ACVR1C: variants seen among roughly 807,000 people sequenced by gnomAD.
ACVR1C encodes the protein activin A receptor type 1C, also known as activin receptor type-1C.
Under a neutral mutation model 57.9 loss-of-function variants are expected in ACVR1C, and 23 were observed. The ratio of observed to expected loss-of-function variants is 0.40; its 90% CI spans 0.29 to 0.56. The LOEUF (loss-of-function observed/expected upper bound fraction) is 0.56. Among genes scored for constraint, ACVR1C ranks in the 20% least tolerant of loss-of-function variants. The pLI is 0.50. For missense variants in ACVR1C, 480 were observed against 607.9 expected, an observed-to-expected ratio of 0.79 and a Z score of 2.21; for synonymous variants, 214 against 215.3, an observed-to-expected ratio of 0.99 and a Z score of 0.05.
At chr2:157,597,631 C>G (rs1174202103) in intron 1 of ACVR1C, 2 of 943,444 alleles carry the variant, frequency 2.1e-6, no homozygotes, top group African/African-American at 3.6e-5. Flanking sequence ...AAGCAGGAGG[C>G]AGGCTATTTT....
At chr2:157,559,147 C>T (rs1351080315) in intron 2 of ACVR1C, among the ~76,000 whole-genome samples, 1 of 152,116 alleles carries the variant, frequency 6.6e-6, no homozygotes, top group East Asian at 1.9e-4. Context: ...AGGTCAGCAA[C>T]CCTAAAAATA....
In ACVR1C at chr2:157,576,446, C is replaced by G. The variant is rs546879085; in HGVS notation, c.304+10741G>C. ...GTCTCAATCTCTTGACCTTGGATTC[C>G]GCCTGCCTCAGCCTCCCAAAGTGCT... On this transcript the variant is annotated intron_variant, in intron 2 of 8. Coordinates refer to ENST00000243349, the MANE Select transcript of ACVR1C (RefSeq NM_145259.3). 2.6e-5 allele frequency among the ~76,000 whole-genome samples: 4 copies of G among 151,994 alleles called. No individual in the cohort carries two copies. In the East Asian group the frequency reaches 5.8e-4, roughly 22 times the overall value.
chr2:157,539,421 T>A (rs1319751156), intron 7 of ACVR1C, among the ~76,000 whole-genome samples: 1 of 152,182 alleles, frequency 6.6e-6, no homozygotes, highest in African/African-American at 2.4e-5. Context: ...AAAATCTTTT[T>A]AATTAACTGC....
At chr2:157,554,073 C>T (rs552798351) in intron 3 of ACVR1C, among the ~76,000 whole-genome samples, 39 of 150,460 alleles carry the variant, frequency 2.6e-4, no homozygotes, top group Non-Finnish European at 4.7e-4. Flanking sequence ...ATTCTAGCTA[C>T]TTAGGAGGCT....
chr2:157,612,140 T>C (rs1682549069), intron 1 of ACVR1C, among the ~76,000 whole-genome samples: 1 of 152,160 alleles, frequency 6.6e-6, no homozygotes. Context: ...GTGGGCAAAG[T>C]TGGTGACCAC....
intron 1 of ACVR1C, among the ~76,000 whole-genome samples, chr2:157,596,785 TAA>T (rs1385438701): frequency 4.6e-5 from 7 of 152,262 alleles, no homozygotes; most frequent in African/African-American, 1.7e-4. Flanking sequence ...GATCATTATT[TAA>T]AGAGTACTTT....
Position 157,628,746 on chromosome 2 carries a change from C to G in ACVR1C, c.-102G>C. On this transcript the variant is annotated 5_prime_UTR_variant, in exon 1 of 9. Transcript: ENST00000243349. ...AAGTTCCCGGGCCGCGGGAGGGGAG[C>G]GCGGCACCGACACCCTTTTGAAGTG... The G allele has an allele frequency of 9.3e-7, 1 of 1,070,946 alleles. No individual in the cohort carries two copies. 66.3% of individuals were successfully genotyped at this position (1,070,946 alleles called of 1,614,324 possible).
chr2:157,606,695 T>C (rs1431239429), intron 1 of ACVR1C, among the ~76,000 whole-genome samples: 5 of 151,652 alleles, frequency 3.3e-5, no homozygotes, highest in Non-Finnish European at 7.4e-5. Flanking sequence ...GTTCATTTAA[T>C]ATTCTGGATA....
intron 1 of ACVR1C, among the ~76,000 whole-genome samples, chr2:157,611,477 G>A (rs528440798): frequency 6.6e-6 from 1 of 152,092 alleles, no homozygotes; most frequent in Admixed American, 6.5e-5. Context: ...TGTGATGTTA[G>A]TGGGTCCAGA....
At chr2:157,549,396 C>T (rs1473795822) in intron 4 of ACVR1C, among the ~76,000 whole-genome samples, 1 of 152,050 alleles carries the variant, frequency 6.6e-6, no homozygotes, top group Non-Finnish European at 1.5e-5. Flanking sequence ...CAATGATACT[C>T]CTTTGCCCTA....
Position 157,628,600 on chromosome 2 carries a change from C to T in ACVR1C, c.45G>A (p.Leu15=), listed in dbSNP as rs56177445. 6.6e-5 allele frequency: 106 copies of T among 1,606,760 alleles called. No homozygotes were observed. The highest frequency in any genetic ancestry group is 2.0e-4 in the Admixed American group (12 of 59,660). Residue 15 remains leucine (L), a synonymous_variant, in exon 1 of 9, where the codon CTG becomes CTA. Coordinates refer to ENST00000243349, the MANE Select transcript of ACVR1C (RefSeq NM_145259.3). ...GCGAGAGCTCGGCGGCCGCTGCGAGCAGCAGGAGAGCCTGGCGGAGCGCTG... is the reference window on the plus strand; with the variant it reads ...GCGAGAGCTCGGCGGCCGCTGCGAGTAGCAGGAGAGCCTGGCGGAGCGCTG... ...LCSALRQALL[L]LAAAAELSPG...
At chr2:157,620,468 T>G (rs947518072) in intron 1 of ACVR1C, among the ~76,000 whole-genome samples, 7 of 152,126 alleles carry the variant, frequency 4.6e-5, no homozygotes, top group African/African-American at 1.7e-4. Flanking sequence ...GAGATGTGAT[T>G]ACTTAATACT....
intron 2 of ACVR1C, among the ~76,000 whole-genome samples, chr2:157,578,391 A>T (rs536831838): frequency 2.6e-5 from 4 of 152,040 alleles, no homozygotes; most frequent in African/African-American, 9.7e-5. Context: ...GAACATTTTA[A>T]CTCCGTTGGC....
At chr2:157,534,158 G>A (rs956141798) in intron 8 of ACVR1C, 115 bp from the exon 9 acceptor site, 1 of 879,206 alleles carries the variant, frequency 1.1e-6, no homozygotes, top group Non-Finnish European at 1.5e-6. Flanking sequence ...TTTTTTTTAA[G>A]AGATGGGGTC....
In ACVR1C at chr2:157,527,095, T is replaced by C. The variant is rs1687246861; in HGVS notation, c.*6823A>G. On this transcript the variant is annotated 3_prime_UTR_variant, in exon 9 of 9. Transcript: ENST00000243349. Reference sequence around the variant, plus strand: ...TAAAATAAGTCTATACATATTACTATAAAATGCATATTTTCACAGACTAGA... The same window carrying C: ...TAAAATAAGTCTATACATATTACTACAAAATGCATATTTTCACAGACTAGA... 1 of 152,206 alleles carries C rather than the reference T, an allele frequency of 6.6e-6. No individual in the cohort carries two copies. Among genetic ancestry groups the C allele is most frequent in the Admixed American group, 6.5e-5 (1 of 15,272 alleles). 9.4% of individuals were successfully genotyped at this position (152,206 alleles called of 1,614,324 possible).
At chr2:157,618,273 T>A (rs181313405) in intron 1 of ACVR1C, among the ~76,000 whole-genome samples, 325 of 151,868 alleles carry the variant, frequency 2.1e-3, no homozygotes, top group Non-Finnish European at 3.6e-3. Context: ...GCTATGGTAA[T>A]ATTATCAATT....
chr2:157,614,490 G>A (rs1010124355), intron 1 of ACVR1C, among the ~76,000 whole-genome samples: 1 of 152,140 alleles, frequency 6.6e-6, no homozygotes, highest in Admixed American at 6.5e-5. Flanking sequence ...TAGTTGGAAT[G>A]TCACATAAAT....
intron 1 of ACVR1C, chr2:157,597,221 G>T: frequency 2.1e-6 from 1 of 478,484 alleles, no homozygotes; most frequent in Non-Finnish European, 2.7e-6. Context: ...CCCTGCATGT[G>T]CATTAACCTG....
chr2:157,600,179 T>A (rs1190508422), intron 1 of ACVR1C, among the ~76,000 whole-genome samples: 1 of 152,176 alleles, frequency 6.6e-6, no homozygotes, highest in Non-Finnish European at 1.5e-5. Context: ...AAGACTGACA[T>A]GAATAATCAG....
Sources: gnomAD v4.1 joint callset for allele counts (sites outside exome capture counted in the v4.1 genomes callset) on GRCh38, gnomAD v4.1.1 for gene constraint, MANE v1.5 for transcripts, NCBI Gene and HGNC (gene_info 2026-07-23, HGNC 2026-07-21) for gene names.